Variants in CUX1 observed in about 807,000 individuals in gnomAD.
CUX1 encodes the protein cut like homeobox 1.
CUX1 carries 31 observed loss-of-function variants against 158.8 expected under a neutral mutation model. That is an observed-to-expected ratio of 0.20 (90% CI 0.15 to 0.26). CUX1 has a LOEUF of 0.26. Among genes scored for constraint, CUX1 ranks in the 10% least tolerant of loss-of-function variants. CUX1 has a pLI of 1.00. For missense variants in CUX1, 1,589 were observed against 2,014.6 expected (o/e 0.79, Z 4.04); for synonymous variants, 879 against 862.1 (o/e 1.02, Z -0.34).
intron 3 of CUX1, among the ~76,000 whole-genome samples, chr7:102,048,727 G>T (rs767694677): frequency 2.0e-5 from 3 of 152,134 alleles, no homozygotes; most frequent in African/African-American, 7.2e-5. Flanking sequence ...TACTCGAGAG[G>T]CTGAGGCAGG....
intron 1 of CUX1, among the ~76,000 whole-genome samples, chr7:101,857,496 T>C (rs573648097): frequency 6.6e-6 from 1 of 152,308 alleles, no homozygotes; most frequent in African/African-American, 2.4e-5. Flanking sequence ...GTCAGCTGTT[T>C]TGAATTAAAG....
intron 20 of CUX1, among the ~76,000 whole-genome samples, chr7:102,225,410 A>G (rs1177556890): frequency 6.6e-6 from 1 of 152,236 alleles, no homozygotes; most frequent in Non-Finnish European, 1.5e-5. Context: ...TGGATACAGT[A>G]TGTCCAGAAA....
chr7:102,025,004 A>G (rs1819818722), intron 2 of CUX1, among the ~76,000 whole-genome samples: 1 of 152,164 alleles, frequency 6.6e-6, no homozygotes, highest in African/African-American at 2.4e-5. Context: ...TGTTCCTATT[A>G]GAAGCTCTGG....
intron 1 of CUX1, among the ~76,000 whole-genome samples, chr7:101,828,520 T>C (rs1793639969): frequency 6.6e-6 from 1 of 152,130 alleles, no homozygotes; most frequent in African/African-American, 2.4e-5. Context: ...AAGTGCATGT[T>C]GTAGTTCTCA....
chr7:101,887,844 T>TCC (rs1800400034), intron 1 of CUX1, among the ~76,000 whole-genome samples: 1 of 51,918 alleles, frequency 1.9e-5, no homozygotes, highest in Non-Finnish European at 3.7e-5. Flanking sequence ...GACGGTGACA[T>TCC]TTTTTTTTTT....
chr7:102,262,719 C>T (rs968293404), downstream of CUX1, among the ~76,000 whole-genome samples: 1 of 152,218 alleles, frequency 6.6e-6, no homozygotes, highest in Non-Finnish European at 1.5e-5. Context: ...AGAGGGCCAG[C>T]TGTGCCCCAG....
At chr7:102,083,298 T>C (rs571928914) in intron 4 of CUX1, among the ~76,000 whole-genome samples, 1 of 147,380 alleles carries the variant, frequency 6.8e-6, no homozygotes, top group South Asian at 2.2e-4. Context: ...TTATAAAGGT[T>C]TCAATCCCTT....
chr7:102,045,143 G>C (rs549803310), intron 3 of CUX1, among the ~76,000 whole-genome samples: 2 of 152,198 alleles, frequency 1.3e-5, no homozygotes, highest in African/African-American at 4.8e-5. Context: ...GGGACCCGTC[G>C]GACTGCGGCT....
At chr7:101,908,019 C>T (rs1802955007) in intron 1 of CUX1, among the ~76,000 whole-genome samples, 1 of 152,082 alleles carries the variant, frequency 6.6e-6, no homozygotes, top group Non-Finnish European at 1.5e-5. Context: ...GCTTAAAATA[C>T]CAAAGGTACC....
intron 4 of CUX1, among the ~76,000 whole-genome samples, chr7:102,076,148 C>T (rs782028607): frequency 1.1e-4 from 17 of 151,926 alleles, no homozygotes; most frequent in African/African-American, 1.9e-4. Context: ...TTTGGGAGGC[C>T]GAAGCAGGCA....
intron 3 of CUX1, among the ~76,000 whole-genome samples, chr7:102,042,345 C>G (rs1377401426): frequency 6.6e-6 from 1 of 152,172 alleles, no homozygotes; most frequent in Non-Finnish European, 1.5e-5. Context: ...CTCTGATGCT[C>G]ATGCACTGCT....
chr7:101,985,417 G>A (rs1259445037), intron 2 of CUX1, among the ~76,000 whole-genome samples: 3 of 152,184 alleles, frequency 2.0e-5, no homozygotes, highest in Non-Finnish European at 4.4e-5. Context: ...CAAGAGGAGC[G>A]TTCTGTCCAC....
At chr7:102,195,666 C>A (rs1319483433) in intron 14 of CUX1, 63 bp downstream of exon 14, 1 of 1,438,002 alleles carries the variant, frequency 7.0e-7, no homozygotes, top group Non-Finnish European at 9.5e-7. Context: ...CGGTCGAGGA[C>A]GAGGAAGGTG....
intron 20 of CUX1, among the ~76,000 whole-genome samples, chr7:102,220,193 T>A (rs1554526420): frequency 6.6e-6 from 1 of 152,164 alleles, no homozygotes; most frequent in Non-Finnish European, 1.5e-5. Flanking sequence ...AAATCCCATC[T>A]CTACTAAAAA....
At chr7:102,197,837 T>A (rs529041895) in intron 15 of CUX1, among the ~76,000 whole-genome samples, 25 of 152,186 alleles carry the variant, frequency 1.6e-4, no homozygotes, top group Non-Finnish European at 2.5e-4. Context: ...GGTCCATTAG[T>A]GATTTGTTTA....
intron 7 of CUX1, among the ~76,000 whole-genome samples, chr7:102,113,114 A>G (rs1831099998): frequency 6.6e-6 from 1 of 152,248 alleles, no homozygotes; most frequent in Non-Finnish European, 1.5e-5. Flanking sequence ...CAGTCAGTTC[A>G]CAGAAGAAAT....
chr7:102,052,732 G>T (rs1408950993), intron 3 of CUX1, among the ~76,000 whole-genome samples: 5 of 152,134 alleles, frequency 3.3e-5, no homozygotes, highest in Admixed American at 6.5e-5. Flanking sequence ...TTCCAAGGTG[G>T]CTGTGTAATT....
chr7:101,845,520 G>T (rs1221787572), intron 1 of CUX1, among the ~76,000 whole-genome samples: 1 of 152,176 alleles, frequency 6.6e-6, no homozygotes. Context: ...ACTGGCCTTA[G>T]CCTGTGGTGT....
rs1341296412 is a variant in CUX1 at position 101,916,957 on chromosome 7, C to G, written c.141+732C>G. Reference sequence around the variant, plus strand: ...CGTGTTGCAGGCAGATGAGCAGTCGCGGGAATGGCTTTCCGGGTGACATCT... The same window carrying G: ...CGTGTTGCAGGCAGATGAGCAGTCGGGGGAATGGCTTTCCGGGTGACATCT... On this transcript the variant is annotated intron_variant, in intron 2 of 23. Transcript: ENST00000292535. This position sits in a 1 kb window ranked among gnomAD's most constrained non-coding sequence, Gnocchi z 4.4. Among the ~76,000 whole-genome samples, 2 of 151,948 alleles carry G rather than the reference C, an allele frequency of 1.3e-5. No individual in the cohort carries two copies. The highest frequency in any genetic ancestry group is 2.9e-5 in the Non-Finnish European group (2 of 68,014).
Sources: gnomAD v4.1 joint callset for allele counts (sites outside exome capture counted in the v4.1 genomes callset) on GRCh38, gnomAD v4.1.1 for gene constraint, Gnocchi (gnomAD v3.1) non-coding constraint, MANE v1.5 for transcripts, NCBI Gene and HGNC (gene_info 2026-07-23, HGNC 2026-07-21) for gene names.